JPH3: variants seen among roughly 807,000 people sequenced by gnomAD.
JPH3 encodes the protein junctophilin 3, also known as junctophilin-3.
In JPH3, 11 loss-of-function variants were observed where a neutral mutation model predicts 59.6. The ratio of observed to expected loss-of-function variants is 0.18; its 90% CI spans 0.12 to 0.31. The LOEUF (loss-of-function observed/expected upper bound fraction) is 0.31, where lower values mean the gene tolerates loss of function less well. JPH3 is among the 10% of genes least tolerant of loss of function. The pLI is 1.00. For synonymous variants in JPH3, 673 were observed against 483.6 expected (o/e 1.39, Z -5.14); for missense variants, 1,202 against 1,105.7 (o/e 1.09, Z -1.24).
chr16:87,644,778 C>T lies in JPH3; in HGVS notation c.903C>T (p.Gly301=), dbSNP rs142274475. 483 of 1,613,266 alleles carry T rather than the reference C, an allele frequency of 3.0e-4. 5 individuals carry two copies. In the South Asian group the frequency reaches 3.7e-3, roughly 12 times the overall value. ...EWKNDKRSGF[G]VSQRSDGLKY... ...AGAACGACAAACGCTCCGGCTTCGG[C>T]GTGAGCCAGCGCTCGGACGGGCTCA... The change falls in exon 2 of 5, where the codon GGC becomes GGT. Residue 301 remains glycine (G), a synonymous_variant. Transcript: ENST00000284262.
At chr16:87,662,775 G>A (rs542442760) in intron 2 of JPH3, among the ~76,000 whole-genome samples, 5 of 152,328 alleles carry the variant, frequency 3.3e-5, no homozygotes, top group Admixed American at 2.0e-4. Flanking sequence ...CAGCCCCCAC[G>A]CAGGGTTGCA....
At chr16:87,664,301 C>T (rs1417513216) in intron 2 of JPH3, among the ~76,000 whole-genome samples, 11 of 140,568 alleles carry the variant, frequency 7.8e-5, no homozygotes, top group Non-Finnish European at 1.4e-4. Flanking sequence ...ACTGCACCTC[C>T]AGCCTGGGCG....
At chr16:87,695,761 T>C (rs1054549170) in intron 4 of JPH3, 2 of 455,806 alleles carry the variant, frequency 4.4e-6, no homozygotes, top group Admixed American at 2.4e-5. Flanking sequence ...CACAGCAGAG[T>C]GCAGGACTGC....
intron 2 of JPH3, among the ~76,000 whole-genome samples, chr16:87,663,372 T>G (rs2032765136): frequency 6.6e-6 from 1 of 152,218 alleles, no homozygotes; most frequent in African/African-American, 2.4e-5. Flanking sequence ...CCTCCCAAAC[T>G]ACTGGGATTA....
intron 2 of JPH3, among the ~76,000 whole-genome samples, chr16:87,678,902 G>A (rs1408827550): frequency 6.6e-6 from 1 of 152,226 alleles, no homozygotes; most frequent in African/African-American, 2.4e-5. Context: ...ATGGATGGGA[G>A]GATTTTCTAA....
Position 87,637,567 on chromosome 16 carries a change from C to G in JPH3, c.383-6691C>G, listed in dbSNP as rs144220836. Among the ~76,000 whole-genome samples the G allele has an allele frequency of 3.7e-3, 556 of 152,224 alleles. 9 individuals are homozygous for G. The highest frequency in any genetic ancestry group is 0.012 in the African/African-American group (512 of 41,534). ...GGGACCCAGTCACGTGCTGCGCTGA[C>G]GTGGAGTCCGAAGTTGTAAAGACAA... On this transcript the variant is annotated intron_variant, in intron 1 of 4. Transcript: ENST00000284262.
At chr16:87,687,944 A>G (rs1231632237) in intron 3 of JPH3, among the ~76,000 whole-genome samples, 1 of 151,876 alleles carries the variant, frequency 6.6e-6, no homozygotes, top group African/African-American at 2.4e-5. Flanking sequence ...GCCAAGGAGG[A>G]GGTACGATGT....
intron 2 of JPH3, among the ~76,000 whole-genome samples, chr16:87,648,972 G>T (rs1368764808): frequency 6.6e-6 from 1 of 152,226 alleles, no homozygotes; most frequent in Non-Finnish European, 1.5e-5. Context: ...CTGCCGCCGG[G>T]AGGCCTTGGC....
At chr16:87,674,613 G>A (rs749504500) in intron 2 of JPH3, among the ~76,000 whole-genome samples, 2 of 152,218 alleles carry the variant, frequency 1.3e-5, no homozygotes, top group Admixed American at 6.5e-5. Flanking sequence ...GCATGGGAGA[G>A]GAAGCGAAAG....
At chr16:87,603,563 A>C in intron 1 of JPH3, 35 bp downstream of exon 1, 1 of 1,534,674 alleles carries the variant, frequency 6.5e-7, no homozygotes, top group Non-Finnish European at 8.8e-7. Context: ...CCGGGGCGGG[A>C]GGGACGTGCT....
intron 1 of JPH3, among the ~76,000 whole-genome samples, chr16:87,622,723 C>T (rs1270400639): frequency 6.9e-6 from 1 of 145,220 alleles, no homozygotes; most frequent in Non-Finnish European, 1.5e-5. Flanking sequence ...TCAGGGTCTC[C>T]TCCTGATAAA....
At chr16:87,618,456 C>T (rs1299695509) in intron 1 of JPH3, among the ~76,000 whole-genome samples, 1 of 152,218 alleles carries the variant, frequency 6.6e-6, no homozygotes, top group Non-Finnish European at 1.5e-5. Flanking sequence ...GGCCATCGTC[C>T]CTGCTGTCCT....
chr16:87,631,563 C>T (rs2031567052), intron 1 of JPH3, among the ~76,000 whole-genome samples: 1 of 152,140 alleles, frequency 6.6e-6, no homozygotes, highest in African/African-American at 2.4e-5. Context: ...GCCACTGTAT[C>T]TTGGTTGGGT....
intron 1 of JPH3, among the ~76,000 whole-genome samples, chr16:87,636,659 C>T (rs74042234): frequency 0.02 from 2,993 of 152,296 alleles, 108 homozygotes; most frequent in African/African-American, 0.068. Flanking sequence ...AGCCAAACCC[C>T]TTTTCTTACT....
intron 4 of JPH3, chr16:87,694,734 GTTATACAGCCATCACCCCCAA>G (rs2033738502): frequency 6.1e-6 from 1 of 163,292 alleles, no homozygotes; most frequent in East Asian, 1.8e-4. Flanking sequence ...TGTATTCCCA[GTTATACAGCCATCACCCCCAA>G]TTCTATCTAG....
intron 1 of JPH3, among the ~76,000 whole-genome samples, chr16:87,642,573 G>A (rs908364909): frequency 1.3e-5 from 2 of 152,268 alleles, no homozygotes; most frequent in African/African-American, 4.8e-5. Context: ...TGCAGCCTGT[G>A]CCACCGTGAG....
In JPH3 at chr16:87,684,159, C is replaced by T. The variant is rs774223995; in HGVS notation, c.1178C>T (p.Ala393Val). 3.1e-6 allele frequency: 5 copies of T among 1,613,604 alleles called. No individual in the cohort carries two copies. The African/African-American group carries it at 5.3e-5, about 17-fold the overall frequency. The change falls in exon 3 of 5, where the codon GCA becomes GTA. Residue 393 changes from alanine to valine, a missense_variant. Ala to Val is a moderately conservative substitution (Grantham distance 64). Transcript: ENST00000284262. ...TCCCCCAGGACCTCCCACTCTCGGG[C>T]AAAGGCCGAGGCAGCCCTCACAGCA... Reference protein sequence around the residue: ...IAASRTSHSRAKAEAALTAAQ... With the variant: ...IAASRTSHSRVKAEAALTAAQ...
intron 4 of JPH3, among the ~76,000 whole-genome samples, chr16:87,690,851 G>C (rs1470120278): frequency 6.6e-6 from 1 of 152,246 alleles, no homozygotes; most frequent in Non-Finnish European, 1.5e-5. Context: ...CCAAGAGTCT[G>C]TGCCCCTGGT....
intron 2 of JPH3, among the ~76,000 whole-genome samples, chr16:87,649,377 C>G (rs1416293211): frequency 6.6e-6 from 1 of 152,246 alleles, no homozygotes. Flanking sequence ...CACAGGGCAC[C>G]TTTGCACGGC....
Sources: allele counts gnomAD v4.1 joint callset (sites outside exome capture counted in the v4.1 genomes callset), GRCh38; gene constraint gnomAD v4.1.1; transcripts MANE v1.5; gene names NCBI Gene and HGNC (gene_info 2026-07-23, HGNC 2026-07-21).